PALS2: variants seen among roughly 807,000 people sequenced by gnomAD.
PALS2 encodes protein PALS2.
PALS2 carries 27 observed loss-of-function variants against 61.6 expected under a neutral mutation model. That is an observed-to-expected ratio of 0.44 (90% CI 0.32 to 0.60). The LOEUF (loss-of-function observed/expected upper bound fraction) is 0.60, where lower values mean the gene tolerates loss of function less well. PALS2 is among the 20% of genes least tolerant of loss of function. PALS2 has a pLI of 0.05. For synonymous variants in PALS2, 236 were observed against 218.6 expected (o/e 1.08, Z -0.70); for missense variants, 554 against 639.4 (o/e 0.87, Z 1.44).
At position 24,665,783 on chromosome 7, in the gene PALS2, T is replaced by A. The variant is rs575718428; in HGVS notation, c.883+96T>A. On this transcript the variant is annotated intron_variant, in intron 7 of 11. Transcript: ENST00000222644. The stretch of plus-strand genomic sequence containing the variant: ...TAAGCAAATGCATTTATTTAAAATA[T>A]GTCTAGAATGAATCCCTCCCTCTGC... 56 of 1,147,868 alleles carry A rather than the reference T, an allele frequency of 4.9e-5. No homozygotes were observed. The African/African-American group carries it at 8.2e-4, about 17-fold the overall frequency. The allele number at this position is 1,147,868 out of a possible 1,614,324, so 71.1% of individuals were successfully genotyped here.
chr7:24,665,035 T>C (rs918293260), intron 6 of PALS2, among the ~76,000 whole-genome samples: 1 of 152,328 alleles, frequency 6.6e-6, no homozygotes, highest in Middle Eastern at 3.4e-3. Context: ...GCCACTATTT[T>C]AAAATATTTC....
At chr7:24,645,562 C>T (rs1290859639) in intron 3 of PALS2, among the ~76,000 whole-genome samples, 1 of 152,074 alleles carries the variant, frequency 6.6e-6, no homozygotes, top group Admixed American at 6.5e-5. Flanking sequence ...ATGCCCCCAG[C>T]TTTGTTCTTT....
chr7:24,589,187 C>G (rs760713316), intron 1 of PALS2: 1 of 152,088 alleles, frequency 6.6e-6, no homozygotes, highest in Non-Finnish European at 1.5e-5. Flanking sequence ...ATATCTTCAT[C>G]TTCCATTTTC....
At chr7:24,623,959 C>G (rs1784630036) in intron 2 of PALS2, 175 bp downstream of exon 2, 2 of 1,034,292 alleles carry the variant, frequency 1.9e-6, no homozygotes, top group Non-Finnish European at 1.4e-6. Context: ...CCATTTTTCT[C>G]TTTTCTACTC....
rs887733315 is a variant in PALS2, at chr7:24,687,556, C to A, written c.1565C>A (p.Thr522Asn). The change falls in exon 12 of 12, where the codon ACT becomes AAT. Residue 522 changes from threonine to asparagine, a missense_variant. Coordinates refer to ENST00000222644, the MANE Select transcript of PALS2 (RefSeq NM_001303037.2). The surrounding 1 kb of genome is among the most constrained non-coding windows in gnomAD (Gnocchi z 4.5). ...NLDKAFEKLQ[T>N]AIEKLRMEPQ... is the part of the protein sequence containing the mutation. Reference sequence around the variant, plus strand: ...GACAAAGCCTTTGAAAAACTGCAAACTGCCATAGAGAAACTGAGAATGGAA... The same window carrying A: ...GACAAAGCCTTTGAAAAACTGCAAAATGCCATAGAGAAACTGAGAATGGAA... 3.7e-6 allele frequency: 6 copies of A among 1,612,934 alleles called. No individual in the cohort carries two copies. The African/African-American group carries it at 6.7e-5, about 18-fold the overall frequency.
intron 2 of PALS2, among the ~76,000 whole-genome samples, chr7:24,625,994 G>A (rs1412854062): frequency 6.6e-6 from 1 of 152,156 alleles, no homozygotes; most frequent in Non-Finnish European, 1.5e-5. Flanking sequence ...GATATGCAGA[G>A]AGGCAGAAAT....
intron 1 of PALS2, among the ~76,000 whole-genome samples, chr7:24,611,683 A>C (rs1348707605): frequency 6.6e-6 from 1 of 152,034 alleles, no homozygotes; most frequent in African/African-American, 2.4e-5. Context: ...AAGTTATCCT[A>C]ATTAGGGCAG....
At chr7:24,663,806 A>T (rs968751143) in intron 6 of PALS2, 85 bp downstream of exon 6, 3 of 1,436,328 alleles carry the variant, frequency 2.1e-6, no homozygotes, top group Non-Finnish European at 2.9e-6. Flanking sequence ...CAGGAAGAAT[A>T]TTAGCATTTG....
At chr7:24,677,254 G>A (rs937394242) in intron 9 of PALS2, among the ~76,000 whole-genome samples, 7 of 152,130 alleles carry the variant, frequency 4.6e-5, no homozygotes, top group Non-Finnish European at 7.3e-5. Context: ...TTGCTTATCA[G>A]CTTAAGGAGA....
At chr7:24,602,453 G>A (rs1354491740) in intron 1 of PALS2, among the ~76,000 whole-genome samples, 1 of 152,034 alleles carries the variant, frequency 6.6e-6, no homozygotes, top group African/African-American at 2.4e-5. Flanking sequence ...TTTGTAGCTG[G>A]GTTATTTGGG....
intron 1 of PALS2, among the ~76,000 whole-genome samples, chr7:24,578,992 A>G (rs1038931789): frequency 2.0e-5 from 3 of 152,236 alleles, no homozygotes; most frequent in Non-Finnish European, 4.4e-5. Flanking sequence ...TAAAATAAAA[A>G]TAGCATGATA....
intron 1 of PALS2, among the ~76,000 whole-genome samples, chr7:24,587,799 C>T (rs546869944): frequency 1.3e-5 from 2 of 152,140 alleles, no homozygotes; most frequent in African/African-American, 2.4e-5. Flanking sequence ...ATAGCAAATA[C>T]ATCTTACAAC....
intron 4 of PALS2, 36 bp downstream of exon 4, chr7:24,649,800 A>T (rs758780761): frequency 6.7e-7 from 1 of 1,485,346 alleles, no homozygotes. Flanking sequence ...ATTAAATCTG[A>T]AATATGACAT....
chr7:24,573,822 G>A lies in PALS2; in HGVS notation c.-3+229G>A, dbSNP rs1268007747. 2.0e-5 allele frequency among the ~76,000 whole-genome samples: 3 copies of A among 149,548 alleles called. No individual in the cohort carries two copies. Among genetic ancestry groups the A allele is most frequent in the Non-Finnish European group, 4.5e-5 (3 of 67,168 alleles). ...CGCCCCCAGCCCGGCCCGCGCGGAAGGGGCGCTCGGCCGGGCTCCTGCCTC... is the reference window on the plus strand; with the variant it reads ...CGCCCCCAGCCCGGCCCGCGCGGAAAGGGCGCTCGGCCGGGCTCCTGCCTC... On this transcript the variant is annotated intron_variant, in intron 1 of 11. Coordinates refer to ENST00000222644, the MANE Select transcript of PALS2 (RefSeq NM_001303037.2). This position sits in a 1 kb window ranked among gnomAD's most constrained non-coding sequence, Gnocchi z 5.3.
intron 2 of PALS2, among the ~76,000 whole-genome samples, chr7:24,628,668 G>C (rs551234989): frequency 7.9e-5 from 12 of 152,050 alleles, no homozygotes; most frequent in African/African-American, 2.4e-4. Context: ...AAATCAGCGC[G>C]CAAAAATCCC....
intron 1 of PALS2, among the ~76,000 whole-genome samples, chr7:24,585,805 T>C (rs1348833624): frequency 6.6e-6 from 1 of 152,160 alleles, no homozygotes; most frequent in Non-Finnish European, 1.5e-5. Context: ...TTCATGCCAT[T>C]CTCCTGCCTC....
rs558634627 is a variant in PALS2 at position 24,655,040 on chromosome 7, A to G, written c.651+4328A>G. ...AAGGGGACATGTGTTCAGTAAACATATAAAGATATATTGAAAATCATAATG... is the reference window on the plus strand; with the variant it reads ...AAGGGGACATGTGTTCAGTAAACATGTAAAGATATATTGAAAATCATAATG... On this transcript the variant is annotated intron_variant, in intron 5 of 11. Transcript: ENST00000222644. Among the ~76,000 whole-genome samples the G allele has an allele frequency of 2.0e-5, 3 of 152,354 alleles. No individual in the cohort carries two copies. The South Asian group carries it at 6.2e-4, about 32-fold the overall frequency.
chr7:24,578,460 T>C (rs1057462001), intron 1 of PALS2, among the ~76,000 whole-genome samples: 1 of 152,230 alleles, frequency 6.6e-6, no homozygotes, highest in Non-Finnish European at 1.5e-5. Context: ...CTAGTTGTTA[T>C]AAAGGGAATT....
chr7:24,627,791 A>ATTC (rs1784815034), intron 2 of PALS2, among the ~76,000 whole-genome samples: 1 of 152,192 alleles, frequency 6.6e-6, no homozygotes, highest in South Asian at 2.1e-4. Flanking sequence ...TAATTCGTGG[A>ATTC]CACATAACAC....
Sources: allele counts gnomAD v4.1 joint callset (sites outside exome capture counted in the v4.1 genomes callset), GRCh38; gene constraint gnomAD v4.1.1; non-coding constraint Gnocchi (gnomAD v3.1); transcripts MANE v1.5; gene names NCBI Gene and HGNC (gene_info 2026-07-23, HGNC 2026-07-21).